FAM184A: variants seen among roughly 807,000 people sequenced by gnomAD.
The protein encoded by FAM184A is family with sequence similarity 184 member A.
In FAM184A, 99 loss-of-function variants were observed where a neutral mutation model predicts 143.8. The ratio of observed to expected loss-of-function variants is 0.69; its 90% CI spans 0.58 to 0.81. The LOEUF is 0.81. Among genes scored for constraint, FAM184A ranks in the 40% least tolerant of loss-of-function variants. The probability of loss-of-function intolerance (pLI) is 0.00; values close to 1 mark genes in which losing one functional copy is unlikely to be tolerated. For missense variants in FAM184A, 1,217 were observed against 1,310.5 expected, an observed-to-expected ratio of 0.93 and a Z score of 1.10; for synonymous variants, 427 against 446.4, an observed-to-expected ratio of 0.96 and a Z score of 0.55.
At chr6:119,145,876 A>T (rs138496162) in intron 1 of FAM184A, among the ~76,000 whole-genome samples, 1 of 152,346 alleles carries the variant, frequency 6.6e-6, no homozygotes, top group East Asian at 1.9e-4. Flanking sequence ...AAGCAAAAAC[A>T]TGATTTTTAC....
intron 1 of FAM184A, among the ~76,000 whole-genome samples, chr6:119,068,426 A>C (rs1312279748): frequency 2.0e-5 from 3 of 152,072 alleles, no homozygotes; most frequent in Non-Finnish European, 4.4e-5. Context: ...GTACAAACTG[A>C]CTTCTCTCTC....
chr6:119,000,506 T>C (rs143636734), intron 9 of FAM184A, among the ~76,000 whole-genome samples: 72 of 152,308 alleles, frequency 4.7e-4, no homozygotes, highest in African/African-American at 1.6e-3. Flanking sequence ...GTGAAAAACA[T>C]CTGATTCAAG....
chr6:119,006,057 G>A (rs1170359827), intron 7 of FAM184A: 1 of 764,160 alleles, frequency 1.3e-6, no homozygotes, highest in Non-Finnish European at 2.4e-6. Flanking sequence ...TTAAGATGAT[G>A]TCAAACTGGA....
intron 1 of FAM184A, among the ~76,000 whole-genome samples, chr6:119,102,269 T>C (rs1788657418): frequency 6.6e-6 from 1 of 152,064 alleles, no homozygotes; most frequent in Non-Finnish European, 1.5e-5. Flanking sequence ...TATTGGCCCT[T>C]TAGGATTTGC....
chr6:119,056,637 T>C (rs1416982253), intron 1 of FAM184A, among the ~76,000 whole-genome samples: 2 of 152,186 alleles, frequency 1.3e-5, no homozygotes, highest in Non-Finnish European at 2.9e-5. Flanking sequence ...TACTAGGAAC[T>C]TCCTTTCCAA....
In FAM184A at chr6:118,960,198, AAGAG is replaced by A. The variant is rs539591182; in HGVS notation, c.3342-18_3342-15del. On this transcript the variant is annotated splice_polypyrimidine_tract_variant and intron_variant, in intron 17 of 17. Transcript: ENST00000338891. ...CTCTGAGCAGGACTGAATTCATAAA[AAGAG>A]AGACATGTAACCCAGCATTAAGTCA... The A allele has an allele frequency of 4.4e-6, 7 of 1,607,646 alleles. No homozygotes were observed. The South Asian group carries it at 5.5e-5, about 13-fold the overall frequency.
rs554734586 is a variant in FAM184A at position 119,137,650 on chromosome 6, A to G, written c.-202+11428T>C. On this transcript the variant is annotated intron_variant, in intron 1 of 16. Coordinates refer to the FAM184A transcript ENST00000352896. ...AATCTTCTCATTCTTATGCACAAAT[A>G]TGATTGCAAAATCCAGTGAGTGAGC... 1.1e-3 allele frequency among the ~76,000 whole-genome samples: 164 copies of G among 152,276 alleles called. 1 individual carries two copies. Among genetic ancestry groups the G allele is most frequent in the African/African-American group, 3.8e-3 (156 of 41,548 alleles).
intron 1 of FAM184A, among the ~76,000 whole-genome samples, chr6:119,119,626 GA>G (rs1789158011): frequency 6.6e-6 from 1 of 151,908 alleles, no homozygotes; most frequent in East Asian, 1.9e-4. Flanking sequence ...AAAGAGACTG[GA>G]AAAAACTTCT....
intron 1 of FAM184A, among the ~76,000 whole-genome samples, chr6:119,132,503 T>G (rs1393750952): frequency 1.3e-5 from 2 of 152,256 alleles, no homozygotes; most frequent in Non-Finnish European, 2.9e-5. Context: ...CCAGTCTCTG[T>G]AATTCATGCA....
chr6:119,083,912 G>T (rs895383301), intron 1 of FAM184A, among the ~76,000 whole-genome samples: 1 of 152,008 alleles, frequency 6.6e-6, no homozygotes, highest in Admixed American at 6.6e-5. Context: ...CCAATTTTTT[G>T]TATTAGTCTG....
At chr6:119,146,264 A>G (rs1445908697) in intron 1 of FAM184A, among the ~76,000 whole-genome samples, 1 of 152,146 alleles carries the variant, frequency 6.6e-6, no homozygotes, top group Non-Finnish European at 1.5e-5. Context: ...AAAATTAATG[A>G]CTGAAATTTG....
chr6:119,070,838 C>T (rs1446177964), intron 1 of FAM184A, among the ~76,000 whole-genome samples: 2 of 151,938 alleles, frequency 1.3e-5, no homozygotes, highest in Non-Finnish European at 2.9e-5. Flanking sequence ...GTTACGAACT[C>T]CCGTCATTCA....
intron 1 of FAM184A, among the ~76,000 whole-genome samples, chr6:119,075,144 G>T (rs551547886): frequency 7.2e-5 from 11 of 152,052 alleles, no homozygotes; most frequent in Non-Finnish European, 1.5e-4. Flanking sequence ...TGTATTTTCA[G>T]AACATTCTAC....
intron 9 of FAM184A, 86 bp from the exon 10 acceptor site, chr6:118,980,436 G>T: frequency 2.2e-6 from 2 of 925,380 alleles, no homozygotes; most frequent in African/African-American, 1.7e-5. Context: ...GCATTTCAAA[G>T]ATATTAATGA....
intron 5 of FAM184A, among the ~76,000 whole-genome samples, chr6:119,015,891 CG>C (rs1785232553): frequency 6.7e-6 from 1 of 148,990 alleles, no homozygotes; most frequent in African/African-American, 2.5e-5. Context: ...GTGCACCAAT[CG>C]ACACTCTGTA....
At chr6:119,096,243 T>C (rs1196610326) in intron 1 of FAM184A, among the ~76,000 whole-genome samples, 1 of 152,212 alleles carries the variant, frequency 6.6e-6, no homozygotes, top group Non-Finnish European at 1.5e-5. Flanking sequence ...TCTTCACTGC[T>C]CCTGGCATGT....
intron 9 of FAM184A, among the ~76,000 whole-genome samples, chr6:118,985,014 C>T (rs1784149261): frequency 6.6e-6 from 1 of 152,124 alleles, no homozygotes; most frequent in South Asian, 2.1e-4. Flanking sequence ...TCACTTAATC[C>T]CTAAGGGTAA....
Position 119,011,385 on chromosome 6 carries a change from T to C in FAM184A, c.1577A>G (p.Asp526Gly). ...HNKDKLNLEE[D>G]KNQLQQELEN... ...TAGCTCTTGTTGAAGCTGATTTTTA[T>C]CCTCTTCCAGGTTTAGTTTATCTTT... The change falls in exon 6 of 18, where the codon GAT becomes GGT. Residue 526 changes from aspartate to glycine, a missense_variant. Physicochemically the swap from Asp to Gly is moderately conservative, Grantham distance 94. Transcript: ENST00000338891. 6.3e-7 allele frequency: 1 copy of C among 1,583,226 alleles called. No homozygotes were observed. Among genetic ancestry groups the C allele is most frequent in the Non-Finnish European group, 8.6e-7 (1 of 1,161,216 alleles).
intron 5 of FAM184A, among the ~76,000 whole-genome samples, chr6:119,015,181 G>A (rs750233642): frequency 3.9e-5 from 6 of 152,276 alleles, no homozygotes; most frequent in African/African-American, 9.6e-5. Flanking sequence ...CAGAGCCCTC[G>A]CTTGCTCTCG....
Sources: gnomAD v4.1 joint callset for allele counts (sites outside exome capture counted in the v4.1 genomes callset) on GRCh38, gnomAD v4.1.1 for gene constraint, MANE v1.5 for transcripts, NCBI Gene and HGNC (gene_info 2026-07-23, HGNC 2026-07-21) for gene names.